The following MYO3B variants were observed in gnomAD, a reference collection of about 807,000 sequenced individuals.
MYO3B encodes the protein myosin-IIIb.
MYO3B carries 156 observed loss-of-function variants against 174.6 expected under a neutral mutation model. The observed-to-expected ratio is 0.89, with a 90% CI of 0.78 to 1.02. The LOEUF is 1.02. MYO3B is among the 50% of genes least tolerant of loss of function. The probability of loss-of-function intolerance (pLI) is 0.00; values close to 1 mark genes in which losing one functional copy is unlikely to be tolerated. For missense variants in MYO3B, 1,632 were observed against 1,639.4 expected (o/e 1.00, Z 0.08); for synonymous variants, 563 against 569.1 (o/e 0.99, Z 0.15).
chr2:170,640,770 G>A (rs142758783), intron 32 of MYO3B: 2 of 152,186 alleles, frequency 1.3e-5, no homozygotes, highest in African/African-American at 4.8e-5. Context: ...TCTAGCACAA[G>A]TGTGATGATA....
intron 23 of MYO3B, among the ~76,000 whole-genome samples, chr2:170,459,166 G>C (rs934334590): frequency 2.6e-5 from 4 of 152,188 alleles, no homozygotes; most frequent in Non-Finnish European, 4.4e-5. Flanking sequence ...AAAGAACAAA[G>C]CTTCCACAGC....
At chr2:170,250,817 C>T (rs78320990) in intron 7 of MYO3B, among the ~76,000 whole-genome samples, 52,981 of 151,600 alleles carry the variant, frequency 0.35, 11,467 homozygotes, top group East Asian at 0.65. Context: ...GATGATATTC[C>T]CCTGGAGTTT....
chr2:170,515,062 AG>A (rs1559074531), intron 29 of MYO3B, 40 bp downstream of exon 29: 2 of 1,558,334 alleles, frequency 1.3e-6, no homozygotes, highest in African/African-American at 2.7e-5. Flanking sequence ...TTCTAAATTC[AG>A]GGGCATTCCG....
chr2:170,249,030 G>C (rs1199710233), intron 7 of MYO3B, among the ~76,000 whole-genome samples: 2 of 152,096 alleles, frequency 1.3e-5, no homozygotes, highest in Non-Finnish European at 2.9e-5. Context: ...TTCTTCTTTG[G>C]CCACGTTTAC....
chr2:170,354,448 C>T (rs2094104068), intron 8 of MYO3B, among the ~76,000 whole-genome samples: 1 of 152,166 alleles, frequency 6.6e-6, no homozygotes, highest in Non-Finnish European at 1.5e-5. Flanking sequence ...TTAACAGTGG[C>T]TTCAAGCTCA....
At chr2:170,447,020 G>A (rs1424689054) in intron 23 of MYO3B, among the ~76,000 whole-genome samples, 3 of 152,132 alleles carry the variant, frequency 2.0e-5, no homozygotes, top group African/African-American at 7.2e-5. Context: ...TTACCTCTGG[G>A]TATTCCTTAC....
At position 170,543,516 on chromosome 2, in the gene MYO3B, A is replaced by T. The variant is rs917127818; in HGVS notation, c.3637-376A>T. Among the ~76,000 whole-genome samples, 8 of 152,208 alleles carry T rather than the reference A, an allele frequency of 5.3e-5. No homozygotes were observed. In the East Asian group the frequency reaches 1.2e-3, roughly 22 times the overall value. ...AATCCTTTGGATGATGTACTTAGAA[A>T]TGTTAAGCAGATTAATACCTTCCTA... On this transcript the variant is annotated intron_variant, in intron 31 of 34. Transcript: ENST00000408978.
At chr2:170,387,806 C>G (rs1159619853) in intron 14 of MYO3B, among the ~76,000 whole-genome samples, 3 of 152,132 alleles carry the variant, frequency 2.0e-5, no homozygotes, top group Non-Finnish European at 4.4e-5. Flanking sequence ...TTGGGCATTT[C>G]ACTAACCTTC....
At chr2:170,650,660 A>AATGAATTATG in intron 32 of MYO3B, among the ~76,000 whole-genome samples, 1 of 149,272 alleles carries the variant, frequency 6.7e-6, no homozygotes, top group East Asian at 2.0e-4. Flanking sequence ...TTGGAAGGGA[A>AATGAATTATG]ATGAATTATG....
chr2:170,191,418 T>G (rs149809667), intron 1 of MYO3B, among the ~76,000 whole-genome samples: 1 of 152,198 alleles, frequency 6.6e-6, no homozygotes, highest in Non-Finnish European at 1.5e-5. Context: ...AATTGCAGTC[T>G]TTGTGGCCTA....
intron 32 of MYO3B, among the ~76,000 whole-genome samples, chr2:170,554,805 G>A (rs1272480713): frequency 6.6e-6 from 1 of 152,226 alleles, no homozygotes; most frequent in African/African-American, 2.4e-5. Context: ...GGCGGGTGGT[G>A]TGTGAGTCAA....
chr2:170,373,232 C>T (rs16858243), intron 9 of MYO3B, among the ~76,000 whole-genome samples: 3,706 of 152,280 alleles, frequency 0.024, 153 homozygotes, highest in African/African-American at 0.085. Flanking sequence ...GGGGCCTACC[C>T]AAACTGGGCT....
chr2:170,422,977 C>CT (rs34882424), intron 22 of MYO3B, among the ~76,000 whole-genome samples: 10,163 of 87,862 alleles, frequency 0.12, 978 homozygotes, highest in African/African-American at 0.17. Flanking sequence ...TTCTTTCTTT[C>CT]TTTTTTTTTT....
chr2:170,623,175 G>T (rs888950661), intron 32 of MYO3B, among the ~76,000 whole-genome samples: 148 of 152,214 alleles, frequency 9.7e-4, no homozygotes, highest in African/African-American at 3.4e-3. Flanking sequence ...TTGAACTAGT[G>T]TACAGTCCCA....
At chr2:170,594,720 A>G (rs1036411576) in intron 32 of MYO3B, among the ~76,000 whole-genome samples, 4 of 151,634 alleles carry the variant, frequency 2.6e-5, no homozygotes, top group African/African-American at 7.3e-5. Flanking sequence ...GCAAATCCCA[A>G]TCCCATCTAT....
chr2:170,646,310 A>C (rs1698371962), intron 32 of MYO3B, among the ~76,000 whole-genome samples: 1 of 151,620 alleles, frequency 6.6e-6, no homozygotes, highest in South Asian at 2.1e-4. Context: ...CTGTCTTCAT[A>C]CAAATTGGGT....
At chr2:170,277,398 A>G (rs893371167) in intron 7 of MYO3B, among the ~76,000 whole-genome samples, 2 of 152,222 alleles carry the variant, frequency 1.3e-5, no homozygotes, top group Non-Finnish European at 2.9e-5. Context: ...GGCTGGCGCA[A>G]TAAGTCATTA....
intron 23 of MYO3B, among the ~76,000 whole-genome samples, chr2:170,453,448 ACACAC>A (rs1276445881): frequency 2.7e-4 from 33 of 121,670 alleles, no homozygotes; most frequent in East Asian, 7.5e-4. Flanking sequence ...ACACACACAC[ACACAC>A]GAGAGAGAGA....
At chr2:170,625,865 T>G (rs1696374340) in intron 32 of MYO3B, among the ~76,000 whole-genome samples, 1 of 152,234 alleles carries the variant, frequency 6.6e-6, no homozygotes, top group Admixed American at 6.5e-5. Flanking sequence ...TGAGCGGTTT[T>G]GAGTGAGTTT....
Sources: allele counts gnomAD v4.1 joint callset (sites outside exome capture counted in the v4.1 genomes callset), GRCh38; gene constraint gnomAD v4.1.1; transcripts MANE v1.5; gene names NCBI Gene and HGNC (gene_info 2026-07-23, HGNC 2026-07-21).